CPA6: variants seen among roughly 807,000 people sequenced by gnomAD.
CPA6 encodes the protein carboxypeptidase B.
In CPA6, 58 loss-of-function variants were observed where a neutral mutation model predicts 63.3. The observed-to-expected ratio is 0.92, with a 90% CI of 0.74 to 1.14. CPA6 has a LOEUF of 1.14. Among genes scored for constraint, CPA6 ranks in the 50% most tolerant of loss-of-function variants. The pLI is 0.00. For synonymous variants in CPA6, 185 were observed against 179.0 expected, an observed-to-expected ratio of 1.03 and a Z score of -0.27; for missense variants, 565 against 526.6, an observed-to-expected ratio of 1.07 and a Z score of -0.71.
intron 1 of CPA6, among the ~76,000 whole-genome samples, chr8:67,694,900 A>G (rs1165457246): frequency 1.3e-5 from 2 of 152,090 alleles, no homozygotes; most frequent in Non-Finnish European, 2.9e-5. Context: ...GTGATTATAT[A>G]CTGATTGATG....
chr8:67,724,322 C>T (rs1341087713), intron 1 of CPA6, among the ~76,000 whole-genome samples: 3 of 152,180 alleles, frequency 2.0e-5, no homozygotes, highest in African/African-American at 7.2e-5. Context: ...CTTTGGTAAA[C>T]CTCACATACC....
intron 6 of CPA6, among the ~76,000 whole-genome samples, chr8:67,496,533 A>ATG (rs1811717762): frequency 7.4e-6 from 1 of 135,190 alleles, no homozygotes; most frequent in African/African-American, 3.0e-5. Flanking sequence ...ATATATATAT[A>ATG]TATATATATA....
chr8:67,672,623 G>C (rs1297448711), intron 1 of CPA6, among the ~76,000 whole-genome samples: 1 of 152,060 alleles, frequency 6.6e-6, no homozygotes, highest in Non-Finnish European at 1.5e-5. Context: ...ATAGAGCTCG[G>C]GCCCAATATG....
chr8:67,706,995 A>G (rs1817150225), intron 1 of CPA6, among the ~76,000 whole-genome samples: 1 of 152,150 alleles, frequency 6.6e-6, no homozygotes, highest in Admixed American at 6.5e-5. Flanking sequence ...AATAATTATC[A>G]TTGTTATGTT....
intron 10 of CPA6, among the ~76,000 whole-genome samples, chr8:67,425,038 T>C (rs1809853543): frequency 6.6e-6 from 1 of 152,198 alleles, no homozygotes; most frequent in African/African-American, 2.4e-5. Context: ...AGACTGATAA[T>C]ACAGTACCTG....
chr8:67,723,938 T>C (rs73254242), intron 1 of CPA6, among the ~76,000 whole-genome samples: 3,258 of 152,332 alleles, frequency 0.021, 107 homozygotes, highest in African/African-American at 0.07. Context: ...TGGTTTCTAT[T>C]GCTCTTTTCC....
At chr8:67,649,189 C>T (rs1815781563) in intron 1 of CPA6, among the ~76,000 whole-genome samples, 1 of 151,946 alleles carries the variant, frequency 6.6e-6, no homozygotes, top group Non-Finnish European at 1.5e-5. Context: ...CTTAAAAATC[C>T]TTGGCATGTT....
At chr8:67,737,624 C>T (rs1295178330) in intron 1 of CPA6, among the ~76,000 whole-genome samples, 2 of 152,176 alleles carry the variant, frequency 1.3e-5, no homozygotes, top group Non-Finnish European at 2.9e-5. Context: ...CTGAGTTACT[C>T]ATTATGCTGT....
intron 1 of CPA6, 138 bp downstream of exon 1, chr8:67,745,876 A>T: frequency 1.8e-6 from 1 of 553,192 alleles, no homozygotes; most frequent in South Asian, 3.2e-5. Context: ...CTGTGAGTAC[A>T]TTTTATATAG....
intron 10 of CPA6, among the ~76,000 whole-genome samples, chr8:67,423,253 T>A (rs1809808242): frequency 1.3e-5 from 2 of 152,138 alleles, no homozygotes; most frequent in South Asian, 4.1e-4. Context: ...CCCAGCTAAT[T>A]TTTGTATTTG....
intron 1 of CPA6, among the ~76,000 whole-genome samples, chr8:67,733,171 T>C (rs971675480): frequency 1.8e-5 from 2 of 112,226 alleles, no homozygotes; most frequent in Non-Finnish European, 3.3e-5. Flanking sequence ...CACTCCAGCC[T>C]GGGCTACAGA....
rs541219963 is a variant in CPA6 at position 67,576,255 on chromosome 8, T to C, written c.192+47921A>G. Reference sequence around the variant, plus strand: ...TTATTAGCTTCACTTAACCATTCCATTGTATTAAAAAAATCCTAGCATAAC... The same window carrying C: ...TTATTAGCTTCACTTAACCATTCCACTGTATTAAAAAAATCCTAGCATAAC... On this transcript the variant is annotated intron_variant, in intron 2 of 10. Coordinates refer to ENST00000297770, the MANE Select transcript of CPA6 (RefSeq NM_020361.5). Among the ~76,000 whole-genome samples, 25 of 152,388 alleles carry C rather than the reference T, an allele frequency of 1.6e-4. No individual in the cohort carries two copies. In the South Asian group the frequency reaches 4.6e-3, roughly 28 times the overall value.
intron 2 of CPA6, among the ~76,000 whole-genome samples, chr8:67,611,391 G>A (rs937243979): frequency 2.0e-5 from 3 of 151,996 alleles, no homozygotes; most frequent in Admixed American, 6.6e-5. Flanking sequence ...GCCCATCCTC[G>A]CCTTTTCACT....
At chr8:67,725,711 G>C (rs867473385) in intron 1 of CPA6, among the ~76,000 whole-genome samples, 20 of 152,046 alleles carry the variant, frequency 1.3e-4, no homozygotes, top group African/African-American at 4.8e-4. Context: ...TTTTTGTAGA[G>C]ACAAGGTATT....
At chr8:67,577,506 G>A (rs1813657268) in intron 2 of CPA6, among the ~76,000 whole-genome samples, 1 of 152,052 alleles carries the variant, frequency 6.6e-6, no homozygotes, top group Non-Finnish European at 1.5e-5. Context: ...TTGAAGAATA[G>A]GCATCTTTCT....
At chr8:67,571,799 C>G (rs1389218145) in intron 2 of CPA6, among the ~76,000 whole-genome samples, 2 of 151,722 alleles carry the variant, frequency 1.3e-5, no homozygotes, top group African/African-American at 2.4e-5. Flanking sequence ...AAAAGAAGAA[C>G]AAACTAAGCC....
intron 2 of CPA6, among the ~76,000 whole-genome samples, chr8:67,563,445 T>A (rs1227531625): frequency 6.6e-6 from 1 of 152,164 alleles, no homozygotes; most frequent in Non-Finnish European, 1.5e-5. Context: ...GAAGGTTAGC[T>A]AAATATCACC....
At chr8:67,693,337 C>A (rs1816850503) in intron 1 of CPA6, among the ~76,000 whole-genome samples, 1 of 152,100 alleles carries the variant, frequency 6.6e-6, no homozygotes, top group Non-Finnish European at 1.5e-5. Context: ...GTATAAACTA[C>A]CAGGAAGAAC....
chr8:67,599,807 G>A (rs560746158), intron 2 of CPA6, among the ~76,000 whole-genome samples: 3 of 152,182 alleles, frequency 2.0e-5, no homozygotes, highest in Non-Finnish European at 4.4e-5. Context: ...TCTCATAGTG[G>A]AGAAATGCTC....
Sources: gnomAD v4.1 joint callset for allele counts (sites outside exome capture counted in the v4.1 genomes callset) on GRCh38, gnomAD v4.1.1 for gene constraint, MANE v1.5 for transcripts, NCBI Gene and HGNC (gene_info 2026-07-23, HGNC 2026-07-21) for gene names.